SLCO5A1: variants seen among roughly 807,000 people sequenced by gnomAD.
SLCO5A1 encodes solute carrier organic anion transporter family member 5A1.
In SLCO5A1, 39 loss-of-function variants were observed where a neutral mutation model predicts 65.1. The ratio of observed to expected loss-of-function variants is 0.60; its 90% CI spans 0.46 to 0.78. The LOEUF (loss-of-function observed/expected upper bound fraction) is 0.78, where lower values mean the gene tolerates loss of function less well. Ranked by LOEUF, SLCO5A1 falls within the 30% of genes least tolerant of loss-of-function variation. The probability of loss-of-function intolerance (pLI) is 0.00; values close to 1 mark genes in which losing one functional copy is unlikely to be tolerated. For synonymous variants in SLCO5A1, 438 were observed against 415.7 expected (o/e 1.05, Z -0.65); for missense variants, 1,029 against 1,069.4 (o/e 0.96, Z 0.53).
At chr8:69,768,764 T>C (rs996692593) in intron 2 of SLCO5A1, among the ~76,000 whole-genome samples, 3 of 152,128 alleles carry the variant, frequency 2.0e-5, no homozygotes, top group African/African-American at 7.2e-5. Context: ...CCTCTCCACA[T>C]ACAATCACAC....
chr8:69,833,310 G>A (rs1174198784), intron 1 of SLCO5A1, 141 bp from the exon 2 acceptor site: 1 of 152,356 alleles, frequency 6.6e-6, no homozygotes, highest in Admixed American at 6.5e-5. Context: ...AGCCCCGGAG[G>A]ACTAGGCAGC....
At position 69,683,309 on chromosome 8, in the gene SLCO5A1, A is replaced by G. The variant is rs77341699; in HGVS notation, c.1623-966T>C. On this transcript the variant is annotated intron_variant, in intron 6 of 9. Transcript: ENST00000260126. ...TGTTCCCAAGACTAGATGAGTTAGC[A>G]ATAGCAGATCCTTCATCCAACCATC... Among the ~76,000 whole-genome samples the G allele has an allele frequency of 6.0e-3, 919 of 152,318 alleles. 17 individuals carry two copies. The highest frequency in any genetic ancestry group is 0.021 in the African/African-American group (870 of 41,574).
At chr8:69,720,239 C>A (rs970738260) in intron 5 of SLCO5A1, among the ~76,000 whole-genome samples, 1 of 151,996 alleles carries the variant, frequency 6.6e-6, no homozygotes, top group Admixed American at 6.6e-5. Context: ...AAATTTAACC[C>A]CAAAGATACA....
rs184943451 is a variant in SLCO5A1 at position 69,690,032 on chromosome 8, G to A, written c.1623-7689C>T. Among the ~76,000 whole-genome samples, 73 of 146,380 alleles carry A rather than the reference G, an allele frequency of 5.0e-4. 2 individuals carry two copies. In the South Asian group the frequency reaches 8.3e-3, roughly 17 times the overall value. On this transcript the variant is annotated intron_variant, in intron 6 of 9. Coordinates refer to ENST00000260126, the MANE Select transcript of SLCO5A1 (RefSeq NM_030958.3). ...TATTTCAGCAAGGCCGGTGGACCCC[G>A]CCCCGCCCCTTTGCGGGTACGGGGG...
At chr8:69,727,397 A>G (rs1482434672) in intron 5 of SLCO5A1, among the ~76,000 whole-genome samples, 1 of 152,244 alleles carries the variant, frequency 6.6e-6, no homozygotes. Context: ...TAAAAATTCC[A>G]AATTGTAAGC....
At chr8:69,737,926 G>T in intron 5 of SLCO5A1, 114 bp downstream of exon 5, 1 of 1,070,262 alleles carries the variant, frequency 9.3e-7, no homozygotes, top group Non-Finnish European at 1.3e-6. Context: ...GGGAAAGGTA[G>T]CTGTTAATGA....
At chr8:69,741,726 T>C (rs1816794475) in intron 4 of SLCO5A1, among the ~76,000 whole-genome samples, 2 of 152,190 alleles carry the variant, frequency 1.3e-5, no homozygotes, top group East Asian at 1.9e-4. Context: ...CCTGCAAACA[T>C]GCATAAATCA....
chr8:69,693,095 T>C (rs1012081221), intron 6 of SLCO5A1, among the ~76,000 whole-genome samples: 3 of 152,326 alleles, frequency 2.0e-5, no homozygotes, highest in African/African-American at 7.2e-5. Flanking sequence ...CATTAGGCAA[T>C]AGGAATTTTT....
chr8:69,696,534 C>T (rs1814506009), intron 6 of SLCO5A1, among the ~76,000 whole-genome samples: 2 of 152,122 alleles, frequency 1.3e-5, no homozygotes, highest in Non-Finnish European at 2.9e-5. Flanking sequence ...CTCCAATTTA[C>T]GGCCCAGAAA....
chr8:69,675,125 A>T (rs1459293695), intron 9 of SLCO5A1, among the ~76,000 whole-genome samples: 1 of 151,560 alleles, frequency 6.6e-6, no homozygotes, highest in Non-Finnish European at 1.5e-5. Flanking sequence ...TTATTTCTAA[A>T]TGTTATTTCT....
At chr8:69,716,900 C>T (rs577223794) in intron 5 of SLCO5A1, among the ~76,000 whole-genome samples, 1 of 152,146 alleles carries the variant, frequency 6.6e-6, no homozygotes, top group South Asian at 2.1e-4. Flanking sequence ...CCTCCTCAGC[C>T]TCCCAAATAG....
chr8:69,674,872 A>AC (rs1813485982), intron 9 of SLCO5A1, among the ~76,000 whole-genome samples: 2 of 145,154 alleles, frequency 1.4e-5, no homozygotes, highest in African/African-American at 2.7e-5. Flanking sequence ...AAAAAAAACA[A>AC]AAAAAAAAAA....
intron 4 of SLCO5A1, among the ~76,000 whole-genome samples, chr8:69,751,368 T>C (rs921902062): frequency 2.0e-5 from 3 of 152,168 alleles, no homozygotes; most frequent in Non-Finnish European, 4.4e-5. Context: ...TACTTTCCCC[T>C]TTGCGGTGTC....
intron 6 of SLCO5A1, among the ~76,000 whole-genome samples, chr8:69,704,637 T>C (rs1020659875): frequency 2.6e-5 from 4 of 152,234 alleles, no homozygotes; most frequent in African/African-American, 9.6e-5. Flanking sequence ...GCTAGGTGGA[T>C]GGAGGACTTG....
At chr8:69,692,678 C>A (rs1009534487) in intron 6 of SLCO5A1, among the ~76,000 whole-genome samples, 4 of 152,112 alleles carry the variant, frequency 2.6e-5, no homozygotes, top group Non-Finnish European at 5.9e-5. Context: ...ATGACACAAA[C>A]ACACACATTA....
chr8:69,756,931 A>G (rs1193752286), intron 3 of SLCO5A1, among the ~76,000 whole-genome samples: 1 of 152,238 alleles, frequency 6.6e-6, no homozygotes, highest in African/African-American at 2.4e-5. Flanking sequence ...AAACTCTGCC[A>G]TTCAAGCTTC....
intron 5 of SLCO5A1, among the ~76,000 whole-genome samples, chr8:69,726,322 A>C (rs988520406): frequency 1.3e-5 from 2 of 152,148 alleles, no homozygotes; most frequent in African/African-American, 4.8e-5. Context: ...AATAAATCAG[A>C]GATATAAACA....
chr8:69,699,714 A>C (rs1223458237), intron 6 of SLCO5A1, among the ~76,000 whole-genome samples: 2 of 152,250 alleles, frequency 1.3e-5, no homozygotes, highest in Non-Finnish European at 2.9e-5. Context: ...CAAATTAGGA[A>C]AGAAAAGGAA....
At chr8:69,802,597 TG>T (rs1444767229) in intron 2 of SLCO5A1, among the ~76,000 whole-genome samples, 2 of 151,978 alleles carry the variant, frequency 1.3e-5, no homozygotes, top group Non-Finnish European at 2.9e-5. Context: ...AATATTTGTG[TG>T]TGTGACTCTT....
Sources: allele counts gnomAD v4.1 joint callset (sites outside exome capture counted in the v4.1 genomes callset), GRCh38; gene constraint gnomAD v4.1.1; transcripts MANE v1.5; gene names NCBI Gene and HGNC (gene_info 2026-07-23, HGNC 2026-07-21).